The following MPDZ variants were observed in gnomAD, a reference collection of about 807,000 sequenced individuals.
The protein encoded by MPDZ is multiple PDZ domain protein.
In MPDZ, 234 loss-of-function variants were observed where a neutral mutation model predicts 239.1. The ratio of observed to expected loss-of-function variants is 0.98; its 90% CI spans 0.88 to 1.09. MPDZ has a LOEUF of 1.09. Among genes scored for constraint, MPDZ ranks in the 50% least tolerant of loss-of-function variants. The probability of loss-of-function intolerance (pLI) is 0.00; values close to 1 mark genes in which losing one functional copy is unlikely to be tolerated. For synonymous variants in MPDZ, 1,048 were observed against 881.3 expected (o/e 1.19, Z -3.35); for missense variants, 3,175 against 2,510.0 (o/e 1.26, Z -5.66).
intron 26 of MPDZ, among the ~76,000 whole-genome samples, chr9:13,146,352 T>A (rs1164529545): frequency 6.6e-6 from 1 of 152,104 alleles, no homozygotes; most frequent in Non-Finnish European, 1.5e-5. Flanking sequence ...TCTAAAGAGC[T>A]GTTGGTTATT....
intron 12 of MPDZ, 44 bp downstream of exon 12, chr9:13,204,992 A>C: frequency 8.1e-7 from 1 of 1,237,356 alleles, no homozygotes. Flanking sequence ...TTTCTAAAAA[A>C]GAAAAATAAT....
At chr9:13,255,428 C>G (rs1969203462) in intron 1 of MPDZ, among the ~76,000 whole-genome samples, 1 of 152,148 alleles carries the variant, frequency 6.6e-6, no homozygotes, top group South Asian at 2.1e-4. Flanking sequence ...TGAATCCTTT[C>G]CAAAAGGTTT....
At chr9:13,228,980 G>A (rs552015267) in intron 3 of MPDZ, among the ~76,000 whole-genome samples, 42 of 152,230 alleles carry the variant, frequency 2.8e-4, no homozygotes, top group African/African-American at 9.1e-4. Flanking sequence ...TTAGTGCCCT[G>A]GGTATCATTC....
At position 13,205,973 on chromosome 9, in the gene MPDZ, T is replaced by C; in HGVS notation, c.1417A>G (p.Arg473Gly). The C allele has an allele frequency of 3.1e-6, 5 of 1,611,532 alleles. No homozygotes were observed. Among genetic ancestry groups the C allele is most frequent in the Non-Finnish European group, 4.2e-6 (5 of 1,179,068 alleles). The change falls in exon 11 of 47, where the codon AGG becomes GGG. Residue 473 changes from arginine (R) to glycine (G), a missense_variant. Physicochemically the swap from Arg to Gly is moderately radical, Grantham distance 125. Transcript: ENST00000319217. ...TCTGCATCTTTTGTGACGTCTTCCC[T>C]TGACATGAGCTCGGCTTCCTGCTTC... Reference protein sequence around the residue: ...GMKQEAELMSREDVTKDADLS... With the variant: ...GMKQEAELMSGEDVTKDADLS...
At chr9:13,249,006 A>AAAAAAAAAAAAAAAAAAAAAAC (rs1163884190) in intron 2 of MPDZ, among the ~76,000 whole-genome samples, 1 of 126,786 alleles carries the variant, frequency 7.9e-6, no homozygotes, top group Non-Finnish European at 1.7e-5. Flanking sequence ...AAAAAAAAAA[A>AAAAAAAAAAAAAAAAAAAAAAC]AAATTGGAAT....
At chr9:13,204,891 A>C in intron 12 of MPDZ, 145 bp downstream of exon 12, 1 of 456,944 alleles carries the variant, frequency 2.2e-6, no homozygotes, top group Non-Finnish European at 3.8e-6. Context: ...AGTCACATTT[A>C]TAAACAGGGA....
intron 10 of MPDZ, among the ~76,000 whole-genome samples, chr9:13,209,885 T>C (rs551660786): frequency 6.6e-6 from 1 of 151,460 alleles, no homozygotes; most frequent in South Asian, 2.1e-4. Context: ...CGATAAAAAA[T>C]GATCAGAAAC....
Position 13,196,055 on chromosome 9 carries a change from T to C in MPDZ, c.1656+66A>G, listed in dbSNP as rs1485040242. 2.9e-6 allele frequency: 3 copies of C among 1,044,910 alleles called. No homozygotes were observed. The African/African-American group carries it at 4.8e-5, about 17-fold the overall frequency. 64.7% of individuals were successfully genotyped at this position (1,044,910 alleles called of 1,614,324 possible). On this transcript the variant is annotated intron_variant, in intron 13 of 46. Coordinates refer to ENST00000319217, the MANE Select transcript of MPDZ (RefSeq NM_001378778.1). Reference sequence around the variant, plus strand: ...GGAACTCTAATGATTGCCTCTATTATTCCCTCGAACTGCCTGCTCAAATAC... The same window carrying C: ...GGAACTCTAATGATTGCCTCTATTACTCCCTCGAACTGCCTGCTCAAATAC...
chr9:13,211,774 T>C (rs1294922722), intron 10 of MPDZ, among the ~76,000 whole-genome samples: 1 of 151,968 alleles, frequency 6.6e-6, no homozygotes, highest in Non-Finnish European at 1.5e-5. Flanking sequence ...TTAAGTAAAA[T>C]AAAAAGGTAT....
chr9:13,197,747 T>A (rs1328996015), intron 12 of MPDZ, among the ~76,000 whole-genome samples: 1 of 152,004 alleles, frequency 6.6e-6, no homozygotes, highest in East Asian at 1.9e-4. Flanking sequence ...TACCTCTTCA[T>A]CCCACCCCTC....
chr9:13,130,304 G>A (rs1046812923), intron 32 of MPDZ, among the ~76,000 whole-genome samples: 3 of 152,142 alleles, frequency 2.0e-5, no homozygotes, highest in Non-Finnish European at 4.4e-5. Context: ...TTTCTAAGGA[G>A]TCAAAACAGA....
Position 13,216,342 on chromosome 9 carries a change from C to T in MPDZ, c.1290+432G>A, listed in dbSNP as rs375631244. 5.4e-5 allele frequency among the ~76,000 whole-genome samples: 8 copies of T among 148,296 alleles called. No homozygotes were observed. In the East Asian group the frequency reaches 8.0e-4, roughly 15 times the overall value. On this transcript the variant is annotated intron_variant, in intron 10 of 46. Transcript: ENST00000319217. ...ATATATCCTCAGGGCTGAAAGCAGC[C>T]GCGGCCATAAAGCCAACAATAACAG...
intron 35 of MPDZ, among the ~76,000 whole-genome samples, chr9:13,124,573 A>T (rs1944845487): frequency 6.6e-6 from 1 of 152,192 alleles, no homozygotes; most frequent in Non-Finnish European, 1.5e-5. Flanking sequence ...TCAAAGGAAT[A>T]ATGTACCTCC....
chr9:13,113,329 ATG>A (rs1586878578), intron 41 of MPDZ, among the ~76,000 whole-genome samples: 1 of 152,140 alleles, frequency 6.6e-6, no homozygotes, highest in East Asian at 1.9e-4. Context: ...CAAGGGCAGA[ATG>A]TGTTTTGCAT....
chr9:13,217,147 A>G (rs764567542), intron 9 of MPDZ, 33 bp downstream of exon 9: 1 of 1,318,554 alleles, frequency 7.6e-7, no homozygotes, highest in Non-Finnish European at 1.1e-6. Flanking sequence ...GGTAATTGTC[A>G]AGTTTAAAAG....
At chr9:13,248,624 G>C (rs896586865) in intron 2 of MPDZ, among the ~76,000 whole-genome samples, 1 of 151,634 alleles carries the variant, frequency 6.6e-6, no homozygotes, top group African/African-American at 2.4e-5. Context: ...ATTCATGATG[G>C]TAACAAGTAT....
chr9:13,150,401 A>T, intron 25 of MPDZ, 110 bp downstream of exon 25: 1 of 810,782 alleles, frequency 1.2e-6, no homozygotes, highest in Non-Finnish European at 1.7e-6. Context: ...CAGGTGAAAA[A>T]TTTTAGCACA....
At chr9:13,271,056 T>C (rs1972840419) in intron 1 of MPDZ, among the ~76,000 whole-genome samples, 1 of 152,198 alleles carries the variant, frequency 6.6e-6, no homozygotes, top group Non-Finnish European at 1.5e-5. Flanking sequence ...TACGGTAGGA[T>C]ACAAAAGTTT....
intron 18 of MPDZ, among the ~76,000 whole-genome samples, chr9:13,184,588 T>C (rs1953837627): frequency 1.3e-5 from 2 of 152,000 alleles, no homozygotes; most frequent in South Asian, 2.1e-4. Context: ...TAAATACATG[T>C]TCAAATTCAC....
Sources: allele counts gnomAD v4.1 joint callset (sites outside exome capture counted in the v4.1 genomes callset), GRCh38; gene constraint gnomAD v4.1.1; transcripts MANE v1.5; gene names NCBI Gene and HGNC (gene_info 2026-07-23, HGNC 2026-07-21).